KCNQ5: variants seen among roughly 807,000 people sequenced by gnomAD.
KCNQ5 encodes potassium voltage-gated channel subfamily Q member 5, also known as potassium voltage-gated channel subfamily KQT member 5.
A neutral mutation model predicts 98.2 loss-of-function variants in KCNQ5; 30 were observed. The observed-to-expected ratio is 0.31, with a 90% CI of 0.23 to 0.41. KCNQ5 has a LOEUF of 0.41. KCNQ5 is among the 10% of genes least tolerant of loss of function. KCNQ5 has a pLI of 1.00. For synonymous variants in KCNQ5, 458 were observed against 449.4 expected (o/e 1.02, Z -0.24); for missense variants, 835 against 1,182.5 (o/e 0.71, Z 4.31).
intron 10 of KCNQ5, among the ~76,000 whole-genome samples, chr6:73,152,011 C>T (rs1432508820): frequency 1.3e-5 from 2 of 152,180 alleles, no homozygotes; most frequent in Non-Finnish European, 2.9e-5. Flanking sequence ...CCTTCCCTGT[C>T]ACCCTGCTGA....
At chr6:73,006,995 C>A (rs1391363081) in intron 2 of KCNQ5, among the ~76,000 whole-genome samples, 2 of 152,134 alleles carry the variant, frequency 1.3e-5, no homozygotes, top group East Asian at 3.9e-4. Context: ...CTTGAGGGCA[C>A]CAGCGTGTTA....
chr6:72,999,044 G>A (rs1381357151), intron 1 of KCNQ5, among the ~76,000 whole-genome samples: 1 of 152,110 alleles, frequency 6.6e-6, no homozygotes, highest in Non-Finnish European at 1.5e-5. Flanking sequence ...ATGCCAATAG[G>A]GTAACTTGCC....
chr6:73,084,035 C>T (rs143332503), intron 5 of KCNQ5, among the ~76,000 whole-genome samples: 16 of 152,288 alleles, frequency 1.1e-4, no homozygotes, highest in Admixed American at 3.3e-4. Flanking sequence ...CAAACCCACC[C>T]AATCCCTGTC....
chr6:72,678,100 A>C (rs907595064), intron 1 of KCNQ5, among the ~76,000 whole-genome samples: 4 of 152,214 alleles, frequency 2.6e-5, no homozygotes, highest in African/African-American at 7.2e-5. Flanking sequence ...TTTGAGAGAA[A>C]CAAATGAAAA....
chr6:73,133,876 A>C (rs1455642088), intron 10 of KCNQ5: 2 of 658,168 alleles, frequency 3.0e-6, no homozygotes, highest in African/African-American at 3.6e-5. Context: ...GAAGCTGACA[A>C]AATGTTGTTA....
intron 1 of KCNQ5, among the ~76,000 whole-genome samples, chr6:72,834,955 T>C (rs1203222010): frequency 6.6e-6 from 1 of 152,172 alleles, no homozygotes; most frequent in Non-Finnish European, 1.5e-5. Flanking sequence ...TGGCTCTAAA[T>C]TTGATCATAA....
chr6:72,804,635 G>A (rs937783167), intron 1 of KCNQ5, among the ~76,000 whole-genome samples: 1 of 152,118 alleles, frequency 6.6e-6, no homozygotes, highest in Non-Finnish European at 1.5e-5. Context: ...TGGGAGTGCA[G>A]ATATCTCTTC....
intron 1 of KCNQ5, among the ~76,000 whole-genome samples, chr6:72,717,456 T>G (rs562369902): frequency 6.6e-6 from 1 of 152,226 alleles, no homozygotes; most frequent in South Asian, 2.1e-4. Context: ...TTTTTAAATA[T>G]TTTGAAAAGA....
chr6:72,878,612 G>C (rs1359079496), intron 1 of KCNQ5, among the ~76,000 whole-genome samples: 1 of 152,114 alleles, frequency 6.6e-6, no homozygotes, highest in Non-Finnish European at 1.5e-5. Flanking sequence ...TAGGGGTGCA[G>C]GTCAAATTGT....
chr6:72,909,355 A>G (rs1030415127), intron 1 of KCNQ5, among the ~76,000 whole-genome samples: 5 of 152,218 alleles, frequency 3.3e-5, no homozygotes, highest in African/African-American at 1.2e-4. Context: ...AAGAACAAGA[A>G]TTAAAGAGAA....
chr6:73,125,377 C>G (rs1454572417), intron 9 of KCNQ5: 3 of 515,846 alleles, frequency 5.8e-6, no homozygotes, highest in Non-Finnish European at 7.7e-6. Context: ...CCAGGTGGAA[C>G]CCAGTATTAA....
chr6:72,768,417 C>A (rs2036302420), intron 1 of KCNQ5, among the ~76,000 whole-genome samples: 2 of 152,034 alleles, frequency 1.3e-5, no homozygotes, highest in African/African-American at 2.4e-5. Flanking sequence ...GCTTTGAAGA[C>A]AAACAGAATA....
At chr6:72,908,851 A>T (rs1178799815) in intron 1 of KCNQ5, among the ~76,000 whole-genome samples, 1 of 152,164 alleles carries the variant, frequency 6.6e-6, no homozygotes, top group Non-Finnish European at 1.5e-5. Flanking sequence ...AAATTCTTAT[A>T]AATATTTCTT....
At chr6:73,055,834 GC>G in intron 3 of KCNQ5, 2 of 735,206 alleles carry the variant, frequency 2.7e-6, no homozygotes, top group African/African-American at 1.7e-5. Flanking sequence ...AGTTGTGGCT[GC>G]CCAGGGCAAA....
intron 1 of KCNQ5, among the ~76,000 whole-genome samples, chr6:72,985,285 TCA>T (rs1039614918): frequency 6.6e-6 from 1 of 152,208 alleles, no homozygotes; most frequent in Non-Finnish European, 1.5e-5. Context: ...TCCAAAGAAC[TCA>T]GATTTTTTAC....
At chr6:73,192,513 G>C in intron 12 of KCNQ5, 52 bp from the exon 13 acceptor site, 1 of 1,503,712 alleles carries the variant, frequency 6.7e-7, no homozygotes, top group Non-Finnish European at 8.9e-7. Flanking sequence ...TTCTGACCTA[G>C]GGCAATCTCC....
intron 1 of KCNQ5, among the ~76,000 whole-genome samples, chr6:72,654,681 T>C (rs1231220728): frequency 6.6e-6 from 1 of 152,054 alleles, no homozygotes; most frequent in East Asian, 1.9e-4. Flanking sequence ...TTTATATAAA[T>C]TGAATGCTTT....
chr6:72,713,234 CA>C (rs1769459925), intron 1 of KCNQ5, among the ~76,000 whole-genome samples: 1 of 152,176 alleles, frequency 6.6e-6, no homozygotes, highest in African/African-American at 2.4e-5. Context: ...GATGTTTCCA[CA>C]TGAAAGCCAA....
chr6:72,810,745 T>C (rs1483510994), intron 1 of KCNQ5, among the ~76,000 whole-genome samples: 1 of 152,172 alleles, frequency 6.6e-6, no homozygotes, highest in South Asian at 2.1e-4. Flanking sequence ...TCTTTGGGCA[T>C]GCTTAGTCAT....
Sources: allele counts gnomAD v4.1 joint callset (sites outside exome capture counted in the v4.1 genomes callset), GRCh38; gene constraint gnomAD v4.1.1; transcripts MANE v1.5; gene names NCBI Gene and HGNC (gene_info 2026-07-23, HGNC 2026-07-21).